The following ZNF624 variants were observed in gnomAD, a reference collection of about 807,000 sequenced individuals.
The protein encoded by ZNF624 is zinc finger protein 624.
In ZNF624, 43 loss-of-function variants were observed where a neutral mutation model predicts 74.7. That is an observed-to-expected ratio of 0.58 (90% CI 0.45 to 0.74). The LOEUF is 0.74. Among genes scored for constraint, ZNF624 ranks in the 30% least tolerant of loss-of-function variants. ZNF624 has a pLI of 0.00. For synonymous variants in ZNF624, 331 were observed against 341.3 expected, an observed-to-expected ratio of 0.97 and a Z score of 0.33; for missense variants, 820 against 1,030.0, an observed-to-expected ratio of 0.80 and a Z score of 2.79.
intron 5 of ZNF624, among the ~76,000 whole-genome samples, chr17:16,633,118 T>C (rs1222610625): frequency 2.0e-5 from 3 of 152,198 alleles, no homozygotes; most frequent in Non-Finnish European, 2.9e-5. Flanking sequence ...AGTTACTCTT[T>C]CTTATCCTCC....
chr17:16,637,336 T>C (rs1009091170), intron 3 of ZNF624, among the ~76,000 whole-genome samples: 1 of 152,168 alleles, frequency 6.6e-6, no homozygotes, highest in African/African-American at 2.4e-5. Flanking sequence ...AAGCTACCAA[T>C]GACTTTCTTC....
the ZNF624 span, among the ~76,000 whole-genome samples, chr17:16,615,637 C>A: frequency 4.6e-4 from 70 of 152,126 alleles, no homozygotes; most frequent in Non-Finnish European, 8.2e-4. Flanking sequence ...TGATAACAAA[C>A]CTCAGAAAAG....
At chr17:16,642,662 A>T (rs1441998604) in intron 3 of ZNF624, among the ~76,000 whole-genome samples, 1 of 152,214 alleles carries the variant, frequency 6.6e-6, no homozygotes, top group Non-Finnish European at 1.5e-5. Context: ...ACAAGAAGAG[A>T]TCATTAGGAC....
intron 3 of ZNF624, among the ~76,000 whole-genome samples, chr17:16,645,556 G>A (rs1233980537): frequency 2.0e-5 from 3 of 148,724 alleles, no homozygotes; most frequent in Middle Eastern, 3.5e-3. Flanking sequence ...TTTGTTAGAC[G>A]TTTGTACTAA....
At chr17:16,631,453 T>C (rs1909205379) in intron 5 of ZNF624, 1 of 152,172 alleles carries the variant, frequency 6.6e-6, no homozygotes, top group South Asian at 2.1e-4. Flanking sequence ...ATGTCAGGCA[T>C]GGTGACTCAC....
intron 4 of ZNF624, among the ~76,000 whole-genome samples, chr17:16,634,354 C>G (rs1909276760): frequency 6.6e-6 from 1 of 152,144 alleles, no homozygotes; most frequent in South Asian, 2.1e-4. Flanking sequence ...TTGTTTCTTT[C>G]TTCTAGAGGT....
intron 5 of ZNF624, among the ~76,000 whole-genome samples, chr17:16,627,541 A>C (rs911783507): frequency 4.6e-5 from 7 of 152,218 alleles, no homozygotes; most frequent in African/African-American, 1.7e-4. Context: ...CCAGAAAAAC[A>C]ATCCTGGTAT....
In ZNF624 at chr17:16,638,762, C is replaced by T. The variant is rs200624286; in HGVS notation, c.154-4006G>A. 4.7e-4 allele frequency among the ~76,000 whole-genome samples: 72 copies of T among 152,160 alleles called. No homozygotes were observed. In the East Asian group the frequency reaches 9.8e-3, roughly 21 times the overall value. On this transcript the variant is annotated intron_variant, in intron 3 of 5. Transcript: ENST00000311331. ...AGGAGATATGCCTAATGCTAAATGA[C>T]GACTTAATGGGTGCAGCACACCAAC... is the stretch of plus-strand genomic sequence containing the variant.
At position 16,622,146 on chromosome 17, in the gene ZNF624, A is replaced by ATTT; in HGVS notation, c.*141_*142insAAA. ...ATAACTTCTAAGATTTAATATTATT[A>ATTT]AATGATTTCCCACATAATTGCTTAT... On this transcript the variant is annotated 3_prime_UTR_variant, in exon 6 of 6. Transcript: ENST00000311331. 1 of 558,904 alleles carries ATTT rather than the reference A, an allele frequency of 1.8e-6. No individual in the cohort carries two copies. Among genetic ancestry groups the ATTT allele is most frequent in the Non-Finnish European group, 2.9e-6 (1 of 349,196 alleles). 34.6% of individuals were successfully genotyped at this position (558,904 alleles called of 1,614,324 possible).
At chr17:16,647,908 CTTAT>C (rs1029436528) in intron 2 of ZNF624, among the ~76,000 whole-genome samples, 12 of 151,718 alleles carry the variant, frequency 7.9e-5, no homozygotes, top group African/African-American at 1.7e-4. Flanking sequence ...CCATGAGGGC[CTTAT>C]TTATTTATTT....
At chr17:16,617,031 A>G, downstream of ZNF624, 1 of 1,609,034 alleles carries the variant, frequency 6.2e-7, no homozygotes, top group Non-Finnish European at 8.5e-7. Context: ...GACCCTTTCC[A>G]TTTTCTTTGG....
Position 16,633,868 on chromosome 17 carries a change from AG to A in ZNF624, c.369del (p.Tyr124IlefsTer29). On this transcript the variant is annotated frameshift_variant, in exon 5 of 6. Transcript: ENST00000311331. LOFTEE classifies it high-confidence loss of function. ...TTGGTTCTGTTTAACTCACCAGGAT[AG>A]GGAATTCTTGAAATTTCTCTCACCG... The part of the protein sequence containing the change: ...WVTVREISRI[P>X]YPDMEPKPAT... 6.2e-7 allele frequency: 1 copy of A among 1,611,878 alleles called. No homozygotes were observed. The highest frequency in any genetic ancestry group is 8.5e-7 in the Non-Finnish European group (1 of 1,178,098).
intron 3 of ZNF624, among the ~76,000 whole-genome samples, chr17:16,638,758 A>G (rs923831389): frequency 7.8e-6 from 1 of 128,776 alleles, no homozygotes; most frequent in Non-Finnish European, 1.7e-5. Flanking sequence ...CTAATGCTAA[A>G]TGACGACTTA....
intron 5 of ZNF624, among the ~76,000 whole-genome samples, chr17:16,632,125 T>C (rs1909222060): frequency 6.6e-6 from 1 of 152,204 alleles, no homozygotes; most frequent in Non-Finnish European, 1.5e-5. Flanking sequence ...CCTCACATTT[T>C]AGAAACTATG....
chr17:16,639,028 G>C (rs1909405726), intron 3 of ZNF624, among the ~76,000 whole-genome samples: 1 of 152,150 alleles, frequency 6.6e-6, no homozygotes, highest in Non-Finnish European at 1.5e-5. Flanking sequence ...AGGAAAGTGA[G>C]GCACAGAGAT....
Position 16,622,567 on chromosome 17 carries a change from T to G in ZNF624, c.2319A>C (p.Thr773=), listed in dbSNP as rs761740058. Residue 773 remains threonine (T), a synonymous_variant, in exon 6 of 6, where the codon ACA becomes ACC. Transcript: ENST00000311331. ...RGSYLTVHWR[T]HTGEKPYTCK... ...AGGTGTAGGGTTTTTCTCCAGTGTG[T>G]GTTCTCCAATGCACTGTAAGGTAAG... is the stretch of plus-strand genomic sequence containing the variant. 1 of 1,613,896 alleles carries G rather than the reference T, an allele frequency of 6.2e-7. No individual in the cohort carries two copies.
rs1908975883 is a variant in ZNF624, at chr17:16,623,377, A to G, written c.1509T>C (p.Asn503=). ...TGCGGTTGAATGCTTTCCCACATTC[A>G]TTACATTCATAGGGTTTTTCCCCAG... ...THTGEKPYEC[N]ECGKAFNRIA... is the part of the protein sequence containing the mutation. Residue 503 remains asparagine (N), a synonymous_variant, in exon 6 of 6, where the codon AAT becomes AAC. Transcript: ENST00000311331. The surrounding 1 kb of genome is among the most constrained non-coding windows in gnomAD (Gnocchi z 5.3). The G allele has an allele frequency of 4.3e-6, 7 of 1,613,846 alleles. No individual in the cohort carries two copies. Among genetic ancestry groups the G allele is most frequent in the Non-Finnish European group, 5.9e-6 (7 of 1,179,812 alleles).
At chr17:16,652,874 G>A (rs893388489) in intron 1 of ZNF624, among the ~76,000 whole-genome samples, 2 of 152,182 alleles carry the variant, frequency 1.3e-5, no homozygotes, top group Non-Finnish European at 2.9e-5. Context: ...AGTCACTTGA[G>A]CACAACGAAT....
chr17:16,630,535 C>T (rs951036607), intron 5 of ZNF624, among the ~76,000 whole-genome samples: 2 of 151,880 alleles, frequency 1.3e-5, no homozygotes, highest in African/African-American at 2.4e-5. Context: ...CCAGCCTGGG[C>T]GACGAGAGTG....
Sources: gnomAD v4.1 joint callset for allele counts (sites outside exome capture counted in the v4.1 genomes callset) on GRCh38, gnomAD v4.1.1 for gene constraint, Gnocchi (gnomAD v3.1) non-coding constraint, MANE v1.5 for transcripts, NCBI Gene and HGNC (gene_info 2026-07-23, HGNC 2026-07-21) for gene names.